Variants in NRF1 observed in about 807,000 individuals in gnomAD.
NRF1 encodes the protein alpha palindromic-binding protein.
NRF1 carries 5 observed loss-of-function variants against 58.5 expected under a neutral mutation model. That is an observed-to-expected ratio of 0.09 (90% CI 0.04 to 0.18). The LOEUF is 0.18. NRF1 is among the 10% of genes least tolerant of loss of function. The probability of loss-of-function intolerance (pLI) is 1.00; values close to 1 mark genes in which losing one functional copy is unlikely to be tolerated. For synonymous variants in NRF1, 224 were observed against 246.7 expected (o/e 0.91, Z 0.86); for missense variants, 288 against 657.7 (o/e 0.44, Z 6.15).
intron 3 of NRF1, among the ~76,000 whole-genome samples, chr7:129,677,226 C>T: frequency 6.6e-6 from 1 of 151,998 alleles, no homozygotes; most frequent in East Asian, 1.9e-4. Context: ...GTTGGCCAGG[C>T]TGGTCTCGAA....
At chr7:129,732,491 T>C (rs1375408221) in intron 10 of NRF1, among the ~76,000 whole-genome samples, 4 of 152,230 alleles carry the variant, frequency 2.6e-5, no homozygotes, top group African/African-American at 9.6e-5. Flanking sequence ...AGCATCAGCA[T>C]TTTTTAATAT....
At chr7:129,614,240 C>G (rs1800609859) in intron 1 of NRF1, among the ~76,000 whole-genome samples, 1 of 152,078 alleles carries the variant, frequency 6.6e-6, no homozygotes, top group African/African-American at 2.4e-5. Flanking sequence ...CTCAGCCTCC[C>G]GAGTAGCTGG....
intron 3 of NRF1, among the ~76,000 whole-genome samples, chr7:129,673,503 G>A (rs1341629673): frequency 6.6e-6 from 1 of 152,128 alleles, no homozygotes; most frequent in Non-Finnish European, 1.5e-5. Flanking sequence ...GCCGAGGCGG[G>A]CGGATCACGA....
chr7:129,685,946 C>CA (rs916762116), intron 4 of NRF1, among the ~76,000 whole-genome samples: 3 of 150,926 alleles, frequency 2.0e-5, no homozygotes, highest in East Asian at 1.9e-4. Flanking sequence ...ACTAAAAATG[C>CA]AAAAAAATAG....
chr7:129,628,245 C>T (rs1051007114), intron 1 of NRF1, among the ~76,000 whole-genome samples: 2 of 150,488 alleles, frequency 1.3e-5, no homozygotes, highest in East Asian at 2.0e-4. Context: ...GGGGTTTCAC[C>T]GTGTTAGCCA....
intron 4 of NRF1, among the ~76,000 whole-genome samples, chr7:129,689,718 A>G (rs981687518): frequency 2.0e-5 from 3 of 152,342 alleles, no homozygotes; most frequent in Non-Finnish European, 2.9e-5. Context: ...TCTGGTTCCA[A>G]CCTGGGCTAG....
rs892959374 is a variant in NRF1 at position 129,741,873 on chromosome 7, G to A, written c.1349-13145G>A. Among the ~76,000 whole-genome samples the A allele has an allele frequency of 1.4e-4, 21 of 152,218 alleles. No individual in the cohort carries two copies. Among genetic ancestry groups the A allele is most frequent in the African/African-American group, 5.1e-4 (21 of 41,452 alleles). On this transcript the variant is annotated intron_variant, in intron 10 of 10. Transcript: ENST00000393232. The surrounding 1 kb of genome is among the most constrained non-coding windows in gnomAD (Gnocchi z 4.0). ...TTGCTTAATAAAGAGCAAATGTGCA[G>A]AACCCAACAGCAGCAGCAGCCTGGC...
chr7:129,668,508 T>A (rs1801971716), intron 2 of NRF1, among the ~76,000 whole-genome samples: 2 of 152,234 alleles, frequency 1.3e-5, no homozygotes, highest in South Asian at 4.1e-4. Context: ...GTTGAGAGTT[T>A]TATTTGAACT....
chr7:129,670,933 T>G (rs964124780), intron 2 of NRF1, among the ~76,000 whole-genome samples: 1 of 152,224 alleles, frequency 6.6e-6, no homozygotes, highest in South Asian at 2.1e-4. Flanking sequence ...AGATACTCCT[T>G]TAGGTGTTGT....
chr7:129,683,491 G>A lies in NRF1; in HGVS notation c.465+5733G>A, dbSNP rs921603921. Among the ~76,000 whole-genome samples, 12 of 151,462 alleles carry A rather than the reference G, an allele frequency of 7.9e-5. No homozygotes were observed. In the East Asian group the frequency reaches 9.8e-4, roughly 12 times the overall value. ...ATTACAGGTGCGTGCCACCATGCCC[G>A]GCTATTTTTTATGTTTTTACTAGAG... is the stretch of plus-strand genomic sequence containing the variant. On this transcript the variant is annotated intron_variant, in intron 4 of 10. Transcript: ENST00000393232.
chr7:129,623,237 G>A (rs1800840946), intron 1 of NRF1, among the ~76,000 whole-genome samples: 1 of 152,152 alleles, frequency 6.6e-6, no homozygotes, highest in African/African-American at 2.4e-5. Flanking sequence ...TCTATTTGCA[G>A]GTTAGTTTCT....
At chr7:129,693,668 CTTTACTGTCTT>C (rs1353338836) in intron 5 of NRF1, among the ~76,000 whole-genome samples, 1 of 152,040 alleles carries the variant, frequency 6.6e-6, no homozygotes, top group Non-Finnish European at 1.5e-5. Context: ...CTAAACTTTT[CTTTACTGTCTT>C]TTTACAGTTT....
intron 8 of NRF1, among the ~76,000 whole-genome samples, chr7:129,716,800 G>A (rs1202427800): frequency 6.6e-6 from 1 of 151,836 alleles, no homozygotes; most frequent in African/African-American, 2.4e-5. Context: ...AACCTGGGAT[G>A]TGGAGGTTGC....
At chr7:129,706,899 G>C (rs1194655917) in intron 5 of NRF1, among the ~76,000 whole-genome samples, 1 of 152,180 alleles carries the variant, frequency 6.6e-6, no homozygotes, top group East Asian at 1.9e-4. Flanking sequence ...ATTCTCCACA[G>C]TGAGTGCTTT....
At chr7:129,622,112 A>C (rs1205603728) in intron 1 of NRF1, among the ~76,000 whole-genome samples, 1 of 152,046 alleles carries the variant, frequency 6.6e-6, no homozygotes, top group Non-Finnish European at 1.5e-5. Flanking sequence ...ATTTAGAAGA[A>C]AAGCACCCCC....
intron 5 of NRF1, among the ~76,000 whole-genome samples, chr7:129,708,636 A>G (rs1432481772): frequency 1.3e-5 from 2 of 152,172 alleles, no homozygotes; most frequent in Non-Finnish European, 2.9e-5. Context: ...GACTTCATCT[A>G]TAAATAATAA....
chr7:129,700,005 G>A (rs1304576227), intron 5 of NRF1, among the ~76,000 whole-genome samples: 1 of 151,694 alleles, frequency 6.6e-6, no homozygotes, highest in East Asian at 1.9e-4. Context: ...GCCGGGCATG[G>A]TGGCAGGTGT....
intron 9 of NRF1, among the ~76,000 whole-genome samples, chr7:129,718,642 G>A (rs555356024): frequency 6.6e-5 from 10 of 152,302 alleles, no homozygotes; most frequent in Middle Eastern, 3.4e-3. Flanking sequence ...GACTGTGAAC[G>A]TTGTAGAAAT....
chr7:129,699,123 G>A (rs552485297), intron 5 of NRF1, among the ~76,000 whole-genome samples: 2 of 152,144 alleles, frequency 1.3e-5, no homozygotes, highest in East Asian at 1.9e-4. Context: ...TAATATTCCC[G>A]TGGCATGATG....
Sources: gnomAD v4.1 joint callset for allele counts (sites outside exome capture counted in the v4.1 genomes callset) on GRCh38, gnomAD v4.1.1 for gene constraint, Gnocchi (gnomAD v3.1) non-coding constraint, MANE v1.5 for transcripts, NCBI Gene and HGNC (gene_info 2026-07-23, HGNC 2026-07-21) for gene names.